CLDND1: variants seen among roughly 807,000 people sequenced by gnomAD.
The protein encoded by CLDND1 is claudin domain containing 1, also known as claudin domain-containing protein 1.
Under a neutral mutation model 26.3 loss-of-function variants are expected in CLDND1, and 13 were observed. The ratio of observed to expected loss-of-function variants is 0.49; its 90% CI spans 0.32 to 0.78. CLDND1 has a LOEUF of 0.78. CLDND1 is among the 30% of genes least tolerant of loss of function. The pLI is 0.03. For missense variants in CLDND1, 289 were observed against 312.8 expected (o/e 0.92, Z 0.57); for synonymous variants, 107 against 107.0 (o/e 1.00, Z 0.00).
intron 2 of CLDND1, 82 bp downstream of exon 2, chr3:98,521,051 T>C (rs1338128970): frequency 8.3e-7 from 1 of 1,211,252 alleles, no homozygotes; most frequent in Non-Finnish European, 1.2e-6. Flanking sequence ...CAAACCTGCT[T>C]ACATGTAATT....
chr3:98,521,071 T>C, intron 2 of CLDND1, 62 bp downstream of exon 2: 2 of 1,413,960 alleles, frequency 1.4e-6, no homozygotes, highest in South Asian at 2.6e-5. Flanking sequence ...TGGGCAATCA[T>C]TACGTCGTTT....
chr3:98,521,109 C>G, intron 2 of CLDND1, 24 bp downstream of exon 2: 1 of 1,588,720 alleles, frequency 6.3e-7, no homozygotes, highest in Non-Finnish European at 8.6e-7. Context: ...GTGAAGAAGA[C>G]AGAAGTTAAA....
Position 98,516,762 on chromosome 3 carries a change from CA to C in CLDND1, c.658del (p.Cys220ValfsTer27). 6.2e-7 allele frequency: 1 copy of C among 1,614,136 alleles called. No homozygotes were observed. The highest frequency in any genetic ancestry group is 8.5e-7 in the Non-Finnish European group (1 of 1,180,012). ...GEFGWSFCLA[C>X]VSAPLQFMAS... ...CATGAACTGTAAGGGAGCAGAGACA[CA>C]AGCCAGGCAGAAGGACCATCCAAAT... is the stretch of plus-strand genomic sequence containing the variant. On this transcript the variant is annotated frameshift_variant, in exon 5 of 5. Transcript: ENST00000341181. LOFTEE classifies it high-confidence loss of function.
rs1188461983 is a variant in CLDND1 at position 98,515,781 on chromosome 3, G to GT, written c.*877dup. ...GCCAGAACTTTAGATCTTGTGGTAG[G>GT]TTTCCCAGCTCTGGAGGGTCATTAT... On this transcript the variant is annotated 3_prime_UTR_variant, in exon 5 of 5. Coordinates refer to ENST00000341181, the MANE Select transcript of CLDND1 (RefSeq NM_001040181.2). 1.6e-6 allele frequency: 2 copies of GT among 1,289,772 alleles called. No individual in the cohort carries two copies. The highest frequency in any genetic ancestry group is 2.3e-5 in the Admixed American group (1 of 43,568). The allele number at this position is 1,289,772 out of a possible 1,614,324, so 79.9% of individuals were successfully genotyped here.
intron 3 of CLDND1, among the ~76,000 whole-genome samples, chr3:98,517,689 T>G (rs1706208293): frequency 6.6e-6 from 1 of 152,246 alleles, no homozygotes. Flanking sequence ...GCTAATATTA[T>G]GCCATTTTAT....
intron 2 of CLDND1, chr3:98,520,624 AG>A (rs1001263606): frequency 6.6e-6 from 1 of 152,164 alleles, no homozygotes; most frequent in Non-Finnish European, 1.5e-5. Context: ...CTCTGCATCA[AG>A]ATTGTTGTAA....
chr3:98,522,655 C>T, intron 1 of CLDND1, 194 bp downstream of exon 1: 2 of 1,419,716 alleles, frequency 1.4e-6, no homozygotes, highest in Admixed American at 3.0e-5. Flanking sequence ...GCGGGGCAGC[C>T]GTGCTCGGCC....
chr3:98,518,922 G>A lies in CLDND1; in HGVS notation c.366C>T (p.Pro122=), dbSNP rs199716479. ...GATCAATCCCGCTATTGTGGTTTCCGGGATCAACAAATTTCTCCATGAACT... is the reference window on the plus strand; with the variant it reads ...GATCAATCCCGCTATTGTGGTTTCCAGGATCAACAAATTTCTCCATGAACT... ...TEQFMEKFVD[P]GNHNSGIDLL... Residue 122 remains proline, a synonymous_variant, in exon 3 of 5, where the codon CCC becomes CCT. Coordinates refer to ENST00000341181, the MANE Select transcript of CLDND1 (RefSeq NM_001040181.2). The A allele has an allele frequency of 2.0e-5, 32 of 1,613,450 alleles. No homozygotes were observed. The highest frequency in any genetic ancestry group is 1.7e-4 in the Middle Eastern group (1 of 6,060).
In CLDND1 at chr3:98,516,268, G is replaced by GT. The variant is rs1441737183; in HGVS notation, c.*390dup. 9.7e-7 allele frequency: 1 copy of GT among 1,027,474 alleles called. No individual in the cohort carries two copies. Among genetic ancestry groups the GT allele is most frequent in the Non-Finnish European group, 1.2e-6 (1 of 856,080 alleles). 63.6% of individuals were successfully genotyped at this position (1,027,474 alleles called of 1,614,324 possible). Reference sequence around the variant, plus strand: ...GAACATAAAGTTTTGACGATGAGAGGTTTCCCAAAGAAACTAATATAGAGT... The same window carrying GT: ...GAACATAAAGTTTTGACGATGAGAGGTTTTCCCAAAGAAACTAATATAGAGT... On this transcript the variant is annotated 3_prime_UTR_variant, in exon 5 of 5. Coordinates refer to ENST00000341181, the MANE Select transcript of CLDND1 (RefSeq NM_001040181.2).
Position 98,515,731 on chromosome 3 carries a change from G to A in CLDND1, c.*928C>T, listed in dbSNP as rs1014406823. ...ACATCATATTACCACAAGAAATAAA[G>A]ACCATAGTTGGAGGTTAATGGACAG... On this transcript the variant is annotated 3_prime_UTR_variant, in exon 5 of 5. Coordinates refer to ENST00000341181, the MANE Select transcript of CLDND1 (RefSeq NM_001040181.2). 1 of 1,289,554 alleles carries A rather than the reference G, an allele frequency of 7.8e-7. No individual in the cohort carries two copies. Among genetic ancestry groups the A allele is most frequent in the Non-Finnish European group, 1.0e-6 (1 of 988,798 alleles). 79.9% of individuals were successfully genotyped at this position (1,289,554 alleles called of 1,614,324 possible).
At position 98,521,171 on chromosome 3, in the gene CLDND1, G is replaced by C. The variant is rs140972118; in HGVS notation, c.254C>G (p.Pro85Arg). ...TGGGCTATACCAATGCATGTTTTTG[G>C]GTATGGTGATACACCGTCTCCACAA... ...VGLWRRCITI[P>R]KNMHWYSPPE... The change falls in exon 2 of 5, where the codon CCC becomes CGC. Residue 85 changes from proline to arginine, a missense_variant. By Grantham distance (103) the Pro-to-Arg change is moderately radical. Transcript: ENST00000341181. 22 of 1,614,026 alleles carry C rather than the reference G, an allele frequency of 1.4e-5. No individual in the cohort carries two copies. Among genetic ancestry groups the C allele is most frequent in the Non-Finnish European group, 1.8e-5 (21 of 1,179,904 alleles).
At chr3:98,517,581 T>C (rs1453091782) in intron 3 of CLDND1, among the ~76,000 whole-genome samples, 2 of 152,318 alleles carry the variant, frequency 1.3e-5, no homozygotes, top group South Asian at 2.1e-4. Context: ...TACAAATATA[T>C]AGTATAACAA....
At chr3:98,517,954 T>C (rs146796285) in intron 3 of CLDND1, among the ~76,000 whole-genome samples, 22 of 152,342 alleles carry the variant, frequency 1.4e-4, no homozygotes, top group African/African-American at 5.3e-4. Context: ...ATGGTAATTA[T>C]AAATGACCTG....
At position 98,521,350 on chromosome 3, in the gene CLDND1, G is replaced by A; in HGVS notation, c.75C>T (p.Ala25=). The change falls in exon 2 of 5, where the codon GCC becomes GCT. Residue 25 remains alanine (A), a synonymous_variant. Coordinates refer to ENST00000341181, the MANE Select transcript of CLDND1 (RefSeq NM_001040181.2). ...CATACCAGAAGTCTGTGCCAATGGA[G>A]GCTGCCATGTAGATGGTGGAAATGA... The part of the protein sequence containing the change: ...LSLISTIYMA[A]SIGTDFWYEY... The A allele has an allele frequency of 6.2e-7, 1 of 1,614,192 alleles. No homozygotes were observed. Among genetic ancestry groups the A allele is most frequent in the Non-Finnish European group, 8.5e-7 (1 of 1,180,024 alleles).
rs766700946 is a variant in CLDND1, at chr3:98,517,013, A to G, written c.541+39T>C. 2.5e-6 allele frequency: 4 copies of G among 1,612,200 alleles called. No homozygotes were observed. The East Asian group carries it at 8.9e-5, about 36-fold the overall frequency. On this transcript the variant is annotated intron_variant, in intron 4 of 4. Coordinates refer to ENST00000341181, the MANE Select transcript of CLDND1 (RefSeq NM_001040181.2). ...ATAACTCTTTGGTCCCTAAAGAGACAGGAAGAAGCTAAAAGGTAAGTATGA... is the reference window on the plus strand; with the variant it reads ...ATAACTCTTTGGTCCCTAAAGAGACGGGAAGAAGCTAAAAGGTAAGTATGA...
intron 1 of CLDND1, chr3:98,522,614 C>T: frequency 7.2e-7 from 1 of 1,388,478 alleles, no homozygotes. Flanking sequence ...TCCTGGGCCT[C>T]ACGGCGGGGC....
intron 1 of CLDND1, chr3:98,522,511 T>C (rs1223801973): frequency 1.6e-6 from 2 of 1,212,982 alleles, no homozygotes; most frequent in Non-Finnish European, 2.1e-6. Flanking sequence ...TTTTTAAAAA[T>C]CCCCCCTTCA....
Position 98,518,960 on chromosome 3 carries a change from T to C in CLDND1, c.328A>G (p.Thr110Ala). The change falls in exon 3 of 5, where the codon ACA becomes GCA. Residue 110 changes from threonine (T) to alanine (A), a missense_variant. By Grantham distance (58) the Thr-to-Ala change is moderately conservative (BLOSUM62 0). Coordinates refer to ENST00000341181, the MANE Select transcript of CLDND1 (RefSeq NM_001040181.2). ...FDVVTKCVSF[T>A]LTEQFMEKFV... ...TTCTCCATGAACTGCTCAGTTAGTGTGAAACTCACACATTTTGTGACCACA... is the reference window on the plus strand; with the variant it reads ...TTCTCCATGAACTGCTCAGTTAGTGCGAAACTCACACATTTTGTGACCACA... 4.3e-6 allele frequency: 7 copies of C among 1,613,090 alleles called. No homozygotes were observed. Among genetic ancestry groups the C allele is most frequent in the Non-Finnish European group, 5.9e-6 (7 of 1,179,408 alleles).
At chr3:98,516,987 T>C (rs990939322) in intron 4 of CLDND1, 65 bp downstream of exon 4, 4 of 1,608,486 alleles carry the variant, frequency 2.5e-6, no homozygotes, top group Non-Finnish European at 3.4e-6. Flanking sequence ...ATTTCAGATT[T>C]ATAACTCTTT....
Sources: allele counts gnomAD v4.1 joint callset (sites outside exome capture counted in the v4.1 genomes callset), GRCh38; gene constraint gnomAD v4.1.1; transcripts MANE v1.5; gene names NCBI Gene and HGNC (gene_info 2026-07-23, HGNC 2026-07-21).